Variants in MON2 observed in about 807,000 individuals in gnomAD.
MON2 encodes MON2 regulator of endosome-to-Golgi trafficking.
Under a neutral mutation model 208.6 loss-of-function variants are expected in MON2, and 84 were observed. That is an observed-to-expected ratio of 0.40 (90% CI 0.34 to 0.48). The LOEUF (loss-of-function observed/expected upper bound fraction) is 0.48. Among genes scored for constraint, MON2 ranks in the 20% least tolerant of loss-of-function variants. The pLI is 0.59. For missense variants in MON2, 1,611 were observed against 2,015.4 expected, an observed-to-expected ratio of 0.80 and a Z score of 3.84; for synonymous variants, 660 against 694.0, an observed-to-expected ratio of 0.95 and a Z score of 0.77.
At chr12:62,538,386 G>C (rs1429019693) in intron 18 of MON2, 29 bp from the exon 19 acceptor site, 20 of 1,589,624 alleles carry the variant, frequency 1.3e-5, no homozygotes, top group Non-Finnish European at 1.7e-5. Flanking sequence ...TTTAGATCAA[G>C]ATGTCTTATT....
chr12:62,554,796 A>AT (rs1250640950), intron 24 of MON2, among the ~76,000 whole-genome samples: 3 of 151,872 alleles, frequency 2.0e-5, no homozygotes, highest in Non-Finnish European at 4.4e-5. Flanking sequence ...ATCTCCAGTA[A>AT]TTCTACTTTT....
intron 23 of MON2, among the ~76,000 whole-genome samples, chr12:62,550,607 T>G (rs2073696564): frequency 6.6e-6 from 1 of 152,228 alleles, no homozygotes; most frequent in Non-Finnish European, 1.5e-5. Flanking sequence ...ATCGGTGATC[T>G]TAGCTAGATC....
At chr12:62,484,620 TTC>T (rs2069651640) in intron 2 of MON2, 1 of 166,426 alleles carries the variant, frequency 6.0e-6, no homozygotes, top group Non-Finnish European at 1.3e-5. Context: ...GTGATCTACT[TTC>T]TCTTTAATAT....
chr12:62,560,199 T>G, intron 25 of MON2: 1 of 240,882 alleles, frequency 4.2e-6, no homozygotes, highest in South Asian at 7.5e-5. Context: ...GAGATTTTAG[T>G]GCACTCGTCA....
intron 21 of MON2, among the ~76,000 whole-genome samples, chr12:62,545,875 A>AT (rs909391022): frequency 6.6e-6 from 1 of 152,008 alleles, no homozygotes; most frequent in African/African-American, 2.4e-5. Flanking sequence ...AACAATTTGA[A>AT]TTTTTTTTGA....
rs2070688519 is a variant in MON2, at chr12:62,498,953, A to G, written c.470A>G (p.Lys157Arg). 6.2e-7 allele frequency: 1 copy of G among 1,609,934 alleles called. No homozygotes were observed. The highest frequency in any genetic ancestry group is 1.3e-5 in the African/African-American group (1 of 74,744). ...CTTTGTTTTCGACTACACTTCACAAAAGATAATATTACAAATAATACAGCT... is the reference window on the plus strand; with the variant it reads ...CTTTGTTTTCGACTACACTTCACAAGAGATAATATTACAAATAATACAGCT... ...IVLCFRLHFT[K>R]DNITNNTAAA... Residue 157 changes from lysine (K) to arginine (R), a missense_variant, in exon 5 of 35, where the codon AAA (lysine) becomes AGA (arginine). Physicochemically the swap from Lys to Arg is conservative, Grantham distance 26 (BLOSUM62 2). Transcript: ENST00000393630.
chr12:62,553,725 T>C (rs2073849362), intron 24 of MON2, among the ~76,000 whole-genome samples: 1 of 152,336 alleles, frequency 6.6e-6, no homozygotes, highest in South Asian at 2.1e-4. Flanking sequence ...TTTTCTTCTT[T>C]TGAAACTTTC....
At chr12:62,572,682 T>A (rs1358857704) in intron 30 of MON2, among the ~76,000 whole-genome samples, 1 of 152,154 alleles carries the variant, frequency 6.6e-6, no homozygotes, top group Non-Finnish European at 1.5e-5. Context: ...ACTTCTGGGC[T>A]CAAGTGATCC....
chr12:62,482,933 C>T (rs11174503), intron 1 of MON2: 14,538 of 151,892 alleles, frequency 0.096, 812 homozygotes, highest in Non-Finnish European at 0.12. Flanking sequence ...CCTTGGAAGA[C>T]GGTGGTGGAA....
intron 23 of MON2, among the ~76,000 whole-genome samples, chr12:62,550,404 C>T (rs867031857): frequency 5.9e-5 from 9 of 152,200 alleles, no homozygotes; most frequent in Middle Eastern, 3.4e-3. Context: ...CACCTGTAGT[C>T]TCAGCTACAT....
In MON2 at chr12:62,588,056, T is replaced by A. The variant is rs756272414; in HGVS notation, c.4908-18T>A. 1 of 1,482,848 alleles carries A rather than the reference T, an allele frequency of 6.7e-7. No homozygotes were observed. Among genetic ancestry groups the A allele is most frequent in the Non-Finnish European group, 9.4e-7 (1 of 1,065,956 alleles). The allele number at this position is 1,482,848 out of a possible 1,614,324, so 91.9% of individuals were successfully genotyped here. ...ACTTTAAAATCTTAATGGAAATGAT[T>A]TCCTATCTCTTTTTCAGGCAACAAG... is the stretch of plus-strand genomic sequence containing the variant. On this transcript the variant is annotated intron_variant, in intron 33 of 34. Coordinates refer to ENST00000393630, the MANE Select transcript of MON2 (RefSeq NM_015026.3).
At position 62,585,408 on chromosome 12, in the gene MON2, G is replaced by T; in HGVS notation, c.4814G>T (p.Arg1605Leu). 1 of 1,613,680 alleles carries T rather than the reference G, an allele frequency of 6.2e-7. No homozygotes were observed. Among genetic ancestry groups the T allele is most frequent in the Non-Finnish European group, 8.5e-7 (1 of 1,179,690 alleles). ...ACACCTCAAGAAGGCTACATCTCAC[G>T]AATGGCACTCTCAGTGCTTTTAAAG... ...VTTPQEGYIS[R>L]MALSVLLKRS... The change falls in exon 33 of 35, where the codon CGA becomes CTA. Residue 1605 changes from arginine (R) to leucine (L), a missense_variant. By Grantham distance (102) the Arg-to-Leu change is moderately radical (BLOSUM62 -2). Transcript: ENST00000393630.
rs1284320895 is a variant in MON2, at chr12:62,549,837, A to G, written c.2916+7A>G. ...AACTTCAATAGGTTTATTGGTAAGT[A>G]TCATTGTCCTTAGAATATAATATAA... On this transcript the variant is annotated splice_region_variant and intron_variant, in intron 23 of 34. Transcript: ENST00000393630. 8 of 1,540,426 alleles carry G rather than the reference A, an allele frequency of 5.2e-6. No homozygotes were observed. In the East Asian group the frequency reaches 1.6e-4, roughly 31 times the overall value.
chr12:62,474,295 T>C (rs1356382738), intron 1 of MON2, among the ~76,000 whole-genome samples: 1 of 151,908 alleles, frequency 6.6e-6, no homozygotes, highest in Non-Finnish European at 1.5e-5. Flanking sequence ...ATTTTTGTAT[T>C]TTCAGTAGAG....
chr12:62,553,607 A>G (rs529548542), intron 24 of MON2, among the ~76,000 whole-genome samples: 1 of 152,372 alleles, frequency 6.6e-6, no homozygotes, highest in East Asian at 1.9e-4. Flanking sequence ...TTATTAACAG[A>G]TGAATATCAA....
chr12:62,544,825 A>T, intron 20 of MON2, 73 bp from the exon 21 acceptor site: 21 of 1,566,652 alleles, frequency 1.3e-5, no homozygotes, highest in Non-Finnish European at 1.7e-5. Context: ...TGAACATTTG[A>T]TATAAAATGT....
intron 2 of MON2, among the ~76,000 whole-genome samples, chr12:62,493,245 G>A (rs189857924): frequency 2.6e-5 from 4 of 151,720 alleles, no homozygotes; most frequent in South Asian, 4.2e-4. Flanking sequence ...TTCTAACCTC[G>A]TGCATTTTCT....
chr12:62,469,750 T>G (rs556447756), intron 1 of MON2, among the ~76,000 whole-genome samples: 61 of 152,316 alleles, frequency 4.0e-4, no homozygotes, highest in Admixed American at 7.2e-4. Context: ...TTGGTTTTAT[T>G]TTTCTCTTTG....
chr12:62,493,016 GACACACAC>G (rs1346323133), intron 2 of MON2, among the ~76,000 whole-genome samples: 1 of 149,454 alleles, frequency 6.7e-6, no homozygotes, highest in African/African-American at 2.4e-5. Context: ...GACACACACA[GACACACAC>G]ACACATACAC....
Sources: gnomAD v4.1 joint callset for allele counts (sites outside exome capture counted in the v4.1 genomes callset) on GRCh38, gnomAD v4.1.1 for gene constraint, MANE v1.5 for transcripts, NCBI Gene and HGNC (gene_info 2026-07-23, HGNC 2026-07-21) for gene names.